The following TNFRSF19 variants were observed in gnomAD, a reference collection of about 807,000 sequenced individuals.
The protein encoded by TNFRSF19 is tumor necrosis factor receptor superfamily member 19.
In TNFRSF19, 27 loss-of-function variants were observed where a neutral mutation model predicts 46.4. The ratio of observed to expected loss-of-function variants is 0.58; its 90% confidence interval spans 0.43 to 0.80. The LOEUF is 0.80. TNFRSF19 is among the 30% of genes least tolerant of loss of function. TNFRSF19 has a pLI of 0.00. For synonymous variants in TNFRSF19, 204 were observed against 205.0 expected, an observed-to-expected ratio of 1.00 and a Z score of 0.04; for missense variants, 511 against 530.8, an observed-to-expected ratio of 0.96 and a Z score of 0.37.
chr13:23,666,670 C>T (rs141250994), intron 7 of TNFRSF19, among the ~76,000 whole-genome samples: 1 of 152,156 alleles, frequency 6.6e-6, no homozygotes, highest in African/African-American at 2.4e-5. Flanking sequence ...AATGGCAGTG[C>T]CTTTTGCTTT....
intron 1 of TNFRSF19, among the ~76,000 whole-genome samples, chr13:23,574,954 T>A (rs1877861070): frequency 6.6e-6 from 1 of 152,214 alleles, no homozygotes; most frequent in Non-Finnish European, 1.5e-5. Flanking sequence ...GAAGGAGAAG[T>A]CATGTGGGGG....
chr13:23,602,650 C>A (rs575272408), intron 3 of TNFRSF19, among the ~76,000 whole-genome samples: 1 of 152,168 alleles, frequency 6.6e-6, no homozygotes, highest in Admixed American at 6.5e-5. Flanking sequence ...GCATAGAAAT[C>A]GTATAGTGTC....
At chr13:23,647,666 T>A (rs971984006) in intron 5 of TNFRSF19, among the ~76,000 whole-genome samples, 1 of 152,210 alleles carries the variant, frequency 6.6e-6, no homozygotes, top group African/African-American at 2.4e-5. Context: ...GTTAGGATTA[T>A]AGGCATGAAC....
chr13:23,626,032 T>C (rs1465180422), intron 4 of TNFRSF19, among the ~76,000 whole-genome samples: 1 of 152,200 alleles, frequency 6.6e-6, no homozygotes, highest in Admixed American at 6.5e-5. Context: ...AATTATAGTG[T>C]TCATTTCCAC....
In TNFRSF19 at chr13:23,662,934, T is replaced by C. The variant is rs765380676; in HGVS notation, c.736+2444T>C. 5.7e-4 allele frequency among the ~76,000 whole-genome samples: 87 copies of C among 152,318 alleles called. 2 individuals carry two copies. Among genetic ancestry groups the C allele is most frequent in the Middle Eastern group, 6.8e-3 (2 of 294 alleles). ...CTTTTGGGCAGAGACTGTGGGGTTT[T>C]CTAGATATAGAATCATGTCATCTGC... On this transcript the variant is annotated intron_variant, in intron 7 of 9. Coordinates refer to ENST00000248484, the MANE Select transcript of TNFRSF19 (RefSeq NM_148957.4).
At chr13:23,612,504 T>A (rs527286321) in intron 3 of TNFRSF19, among the ~76,000 whole-genome samples, 1 of 152,342 alleles carries the variant, frequency 6.6e-6, no homozygotes, top group South Asian at 2.1e-4. Flanking sequence ...TAATTTAATT[T>A]CTTGGAATCA....
chr13:23,638,743 A>G (rs73448407), intron 5 of TNFRSF19, among the ~76,000 whole-genome samples: 2,395 of 152,060 alleles, frequency 0.016, 61 homozygotes, highest in African/African-American at 0.055. Context: ...TTACTGCCTT[A>G]GTTTCTCTCC....
chr13:23,640,083 G>A (rs954246061), intron 5 of TNFRSF19, among the ~76,000 whole-genome samples: 1 of 152,150 alleles, frequency 6.6e-6, no homozygotes, highest in Non-Finnish European at 1.5e-5. Flanking sequence ...CAGCGGAGAC[G>A]TTCTGGGTGG....
chr13:23,660,718 T>C (rs1417973811), intron 7 of TNFRSF19, among the ~76,000 whole-genome samples: 1 of 152,208 alleles, frequency 6.6e-6, no homozygotes, highest in Non-Finnish European at 1.5e-5. Context: ...CTAGAATTTT[T>C]CAGCAACTTT....
intron 4 of TNFRSF19, 41 bp downstream of exon 4, chr13:23,616,086 A>G: frequency 6.5e-7 from 1 of 1,546,410 alleles, no homozygotes; most frequent in Non-Finnish European, 8.8e-7. Flanking sequence ...TATTTAATTA[A>G]GTAACTTTTA....
At chr13:23,669,119 C>T (rs754779044) in intron 9 of TNFRSF19, 22 bp downstream of exon 9, 1 of 1,609,406 alleles carries the variant, frequency 6.2e-7, no homozygotes, top group Non-Finnish European at 8.5e-7. Flanking sequence ...ACTGGGTTCC[C>T]TGTGAACACA....
intron 9 of TNFRSF19, among the ~76,000 whole-genome samples, chr13:23,672,093 G>T (rs190546667): frequency 6.6e-6 from 1 of 152,176 alleles, no homozygotes; most frequent in South Asian, 2.1e-4. Flanking sequence ...TGATTTCAGC[G>T]CATGATGCAT....
At chr13:23,581,951 T>A (rs960554258) in intron 1 of TNFRSF19, among the ~76,000 whole-genome samples, 3 of 152,184 alleles carry the variant, frequency 2.0e-5, no homozygotes, top group Non-Finnish European at 2.9e-5. Context: ...TTGTGTTGAC[T>A]ACAGATTGAA....
intron 5 of TNFRSF19, among the ~76,000 whole-genome samples, chr13:23,645,284 C>G (rs9507129): frequency 0.23 from 34,274 of 152,178 alleles, 4,616 homozygotes; most frequent in Non-Finnish European, 0.3. Context: ...CTCACCACAA[C>G]CTCCACTTCT....
chr13:23,613,171 T>G (rs1251966169), intron 3 of TNFRSF19, among the ~76,000 whole-genome samples: 1 of 152,270 alleles, frequency 6.6e-6, no homozygotes, highest in Non-Finnish European at 1.5e-5. Flanking sequence ...TTGGTTTATT[T>G]ATTGGATTGT....
intron 3 of TNFRSF19, among the ~76,000 whole-genome samples, chr13:23,609,560 T>C (rs1880754116): frequency 6.6e-6 from 1 of 152,138 alleles, no homozygotes. Flanking sequence ...AGGAAACTAG[T>C]TTTTGCATGA....
intron 5 of TNFRSF19, among the ~76,000 whole-genome samples, chr13:23,627,137 C>T (rs1388445210): frequency 6.6e-6 from 1 of 152,114 alleles, no homozygotes; most frequent in African/African-American, 2.4e-5. Flanking sequence ...GTGCCCTGGC[C>T]CCATGAATTC....
intron 1 of TNFRSF19, among the ~76,000 whole-genome samples, chr13:23,580,922 C>A (rs1036748556): frequency 2.6e-5 from 4 of 152,180 alleles, no homozygotes; most frequent in African/African-American, 4.8e-5. Flanking sequence ...GCTTTACTGA[C>A]TTTAGGAAAC....
At chr13:23,645,554 GTTTA>G (rs1883283515) in intron 5 of TNFRSF19, among the ~76,000 whole-genome samples, 2 of 152,134 alleles carry the variant, frequency 1.3e-5, no homozygotes. Flanking sequence ...CAAAGCCTTG[GTTTA>G]TTTATGTGTT....
Sources: allele counts gnomAD v4.1 joint callset (sites outside exome capture counted in the v4.1 genomes callset), GRCh38; gene constraint gnomAD v4.1.1; transcripts MANE v1.5; gene names NCBI Gene and HGNC (gene_info 2026-07-23, HGNC 2026-07-21).